The following JARID2 variants were observed in gnomAD, a reference collection of about 807,000 sequenced individuals.
JARID2 encodes protein Jumonji.
A neutral mutation model predicts 125.6 loss-of-function variants in JARID2; 21 were observed. The ratio of observed to expected loss-of-function variants is 0.17; its 90% CI spans 0.12 to 0.24. The LOEUF (loss-of-function observed/expected upper bound fraction) is 0.24, where lower values mean the gene tolerates loss of function less well. JARID2 is among the 10% of genes least tolerant of loss of function. The pLI is 1.00. For synonymous variants in JARID2, 736 were observed against 661.6 expected, an observed-to-expected ratio of 1.11 and a Z score of -1.73; for missense variants, 1,303 against 1,639.6, an observed-to-expected ratio of 0.79 and a Z score of 3.55.
At chr6:15,278,982 A>G (rs1298258147) in intron 1 of JARID2, among the ~76,000 whole-genome samples, 1 of 151,866 alleles carries the variant, frequency 6.6e-6, no homozygotes, top group African/African-American at 2.4e-5. Context: ...GAGAATCTCA[A>G]GCTCAGGTTG....
At chr6:15,391,736 G>C (rs1765017381) in intron 2 of JARID2, among the ~76,000 whole-genome samples, 2 of 152,174 alleles carry the variant, frequency 1.3e-5, no homozygotes, top group Admixed American at 1.3e-4. Flanking sequence ...TGTTCTACCA[G>C]TAACTGGGTG....
At chr6:15,388,762 T>C (rs909800195) in intron 2 of JARID2, among the ~76,000 whole-genome samples, 7 of 152,234 alleles carry the variant, frequency 4.6e-5, no homozygotes, top group African/African-American at 1.4e-4. Context: ...TGGTAACTTA[T>C]GCCCCGCATG....
At chr6:15,377,663 GTAA>G (rs1338388910) in intron 2 of JARID2, among the ~76,000 whole-genome samples, 1 of 151,454 alleles carries the variant, frequency 6.6e-6, no homozygotes, top group Non-Finnish European at 1.5e-5. Flanking sequence ...ACAAATTATA[GTAA>G]TAATAATAAA....
intron 1 of JARID2, among the ~76,000 whole-genome samples, chr6:15,276,684 C>T (rs1296270457): frequency 6.6e-6 from 1 of 152,124 alleles, no homozygotes; most frequent in Non-Finnish European, 1.5e-5. Context: ...GTCAGAGATA[C>T]TGGACTCCTT....
chr6:15,290,770 C>T (rs1761176041), intron 1 of JARID2, among the ~76,000 whole-genome samples: 3 of 152,280 alleles, frequency 2.0e-5, no homozygotes, highest in Admixed American at 1.3e-4. Context: ...AGGCGCCCAC[C>T]GCCACGCCCA....
Position 15,246,501 on chromosome 6 carries a change from G to T in JARID2, c.-39G>T. 6.3e-7 allele frequency: 1 copy of T among 1,582,464 alleles called. No homozygotes were observed. The highest frequency in any genetic ancestry group is 8.7e-7 in the Non-Finnish European group (1 of 1,153,940). ...TTTCTGACGGCTTTAAATTCATGAAGCAATTGTCCCCTTTTGCAATCAGCA... is the reference window on the plus strand; with the variant it reads ...TTTCTGACGGCTTTAAATTCATGAATCAATTGTCCCCTTTTGCAATCAGCA... On this transcript the variant is annotated 5_prime_UTR_variant, in exon 1 of 18. Coordinates refer to ENST00000341776, the MANE Select transcript of JARID2 (RefSeq NM_004973.4).
chr6:15,461,877 G>A (rs552385416), intron 4 of JARID2, among the ~76,000 whole-genome samples: 2 of 147,492 alleles, frequency 1.4e-5, no homozygotes, highest in African/African-American at 5.0e-5. Flanking sequence ...CTTCAGTGAT[G>A]GTATCTTTTT....
intron 1 of JARID2, among the ~76,000 whole-genome samples, chr6:15,286,255 C>CT (rs60401396): frequency 0.081 from 11,163 of 137,654 alleles, 1,326 homozygotes; most frequent in African/African-American, 0.26. Flanking sequence ...TGGAAGAATT[C>CT]TTTTTTTTTT....
At chr6:15,410,607 G>C (rs534961029) in intron 3 of JARID2, among the ~76,000 whole-genome samples, 20 of 152,328 alleles carry the variant, frequency 1.3e-4, no homozygotes, top group African/African-American at 4.8e-4. Flanking sequence ...GGAACAGTTA[G>C]CCAAAGAGTT....
At chr6:15,331,413 C>T (rs1762705529) in intron 1 of JARID2, among the ~76,000 whole-genome samples, 1 of 151,562 alleles carries the variant, frequency 6.6e-6, no homozygotes, top group African/African-American at 2.4e-5. Flanking sequence ...AAAGAGTGCC[C>T]TTAGAAGTAT....
intron 1 of JARID2, among the ~76,000 whole-genome samples, chr6:15,274,257 T>A (rs1760408576): frequency 6.6e-6 from 1 of 152,088 alleles, no homozygotes; most frequent in Non-Finnish European, 1.5e-5. Flanking sequence ...AAAAGGAGTT[T>A]TTGGGGGGCA....
At chr6:15,385,763 G>C (rs2127534341) in intron 2 of JARID2, among the ~76,000 whole-genome samples, 1 of 152,182 alleles carries the variant, frequency 6.6e-6, no homozygotes, top group Middle Eastern at 3.4e-3. Flanking sequence ...TGCTGTGGAT[G>C]TGCCACTCTC....
intron 5 of JARID2, 125 bp downstream of exon 5, chr6:15,468,843 G>C (rs537029322): frequency 1.2e-6 from 1 of 855,236 alleles, no homozygotes; most frequent in African/African-American, 1.7e-5. Context: ...TCCAGGGCCA[G>C]ACACTTCATG....
intron 3 of JARID2, among the ~76,000 whole-genome samples, chr6:15,449,799 G>C (rs1466903417): frequency 6.6e-6 from 1 of 152,128 alleles, no homozygotes; most frequent in Non-Finnish European, 1.5e-5. Context: ...TTGTCAGTTT[G>C]TATCAGGAAT....
At chr6:15,303,655 C>A (rs1761710501) in intron 1 of JARID2, among the ~76,000 whole-genome samples, 1 of 152,234 alleles carries the variant, frequency 6.6e-6, no homozygotes. Flanking sequence ...ATTATTTCAA[C>A]AATGTGATTA....
At chr6:15,337,843 A>G (rs1202105468) in intron 1 of JARID2, among the ~76,000 whole-genome samples, 1 of 152,204 alleles carries the variant, frequency 6.6e-6, no homozygotes, top group Admixed American at 6.5e-5. Context: ...CTCTACACAG[A>G]TACAAACAGC....
chr6:15,347,718 G>C (rs1484939152), intron 1 of JARID2, among the ~76,000 whole-genome samples: 1 of 152,152 alleles, frequency 6.6e-6, no homozygotes, highest in Non-Finnish European at 1.5e-5. Flanking sequence ...GGACAAGGAA[G>C]TATATTCATT....
At chr6:15,514,108 C>T in intron 16 of JARID2, among the ~76,000 whole-genome samples, 1 of 152,238 alleles carries the variant, frequency 6.6e-6, no homozygotes, top group Non-Finnish European at 1.5e-5. Flanking sequence ...CCTCCTCCCC[C>T]TGCTCACCCC....
intron 1 of JARID2, among the ~76,000 whole-genome samples, chr6:15,333,941 G>GGT (rs770449205): frequency 6.6e-6 from 1 of 152,084 alleles, no homozygotes; most frequent in Non-Finnish European, 1.5e-5. Context: ...AGAATAGAAG[G>GGT]GTGCTTCCCC....
Sources: gnomAD v4.1 joint callset for allele counts (sites outside exome capture counted in the v4.1 genomes callset) on GRCh38, gnomAD v4.1.1 for gene constraint, MANE v1.5 for transcripts, NCBI Gene and HGNC (gene_info 2026-07-23, HGNC 2026-07-21) for gene names.